Variants in CACNB2 observed in about 807,000 individuals in gnomAD.
CACNB2 encodes the protein calcium voltage-gated channel auxiliary subunit beta 2.
CACNB2 carries 42 observed loss-of-function variants against 73.3 expected under a neutral mutation model. The ratio of observed to expected loss-of-function variants is 0.57; its 90% confidence interval spans 0.45 to 0.74. The LOEUF (loss-of-function observed/expected upper bound fraction) is 0.74, where lower values mean the gene tolerates loss of function less well. Among genes scored for constraint, CACNB2 ranks in the 30% least tolerant of loss-of-function variants. The probability of loss-of-function intolerance (pLI) is 0.00; values close to 1 mark genes in which losing one functional copy is unlikely to be tolerated. For missense variants in CACNB2, 940 were observed against 853.0 expected, an observed-to-expected ratio of 1.10 and a Z score of -1.27; for synonymous variants, 348 against 310.3, an observed-to-expected ratio of 1.12 and a Z score of -1.28.
intron 2 of CACNB2, among the ~76,000 whole-genome samples, chr10:18,207,080 C>T (rs897454238): frequency 3.3e-5 from 5 of 152,160 alleles, no homozygotes; most frequent in Non-Finnish European, 7.3e-5. Context: ...ATGATCTCAG[C>T]TCACTGCAAC....
chr10:18,320,080 G>A (rs951675562), intron 2 of CACNB2, among the ~76,000 whole-genome samples: 3 of 151,204 alleles, frequency 2.0e-5, no homozygotes, highest in Non-Finnish European at 4.4e-5. Context: ...ATCACTCCCC[G>A]ATCCACTTTC....
intron 3 of CACNB2, among the ~76,000 whole-genome samples, chr10:18,495,563 G>GTT (rs200332006): frequency 0.048 from 6,884 of 144,558 alleles, 286 homozygotes; most frequent in African/African-American, 0.12. Flanking sequence ...GTGTGTGTGT[G>GTT]TGTGTGTGTG....
chr10:18,434,239 T>C (rs1315940153), intron 3 of CACNB2, among the ~76,000 whole-genome samples: 2 of 152,192 alleles, frequency 1.3e-5, no homozygotes, highest in Admixed American at 6.5e-5. Flanking sequence ...AGTTCATATA[T>C]AAATCATGAC....
At chr10:18,532,718 CA>C (rs1018966349) in intron 10 of CACNB2, among the ~76,000 whole-genome samples, 6 of 121,742 alleles carry the variant, frequency 4.9e-5, no homozygotes, top group Admixed American at 2.5e-4. Flanking sequence ...AACAAACAAA[CA>C]AAAAAAACAA....
intron 2 of CACNB2, among the ~76,000 whole-genome samples, chr10:18,327,493 C>T (rs754012033): frequency 3.9e-5 from 6 of 152,072 alleles, no homozygotes; most frequent in South Asian, 4.2e-4. Context: ...GGAGTGATCT[C>T]GGCTCACTGC....
intron 2 of CACNB2, among the ~76,000 whole-genome samples, chr10:18,178,120 G>A (rs1039829037): frequency 1.3e-5 from 2 of 152,106 alleles, no homozygotes; most frequent in Non-Finnish European, 2.9e-5. Flanking sequence ...TTTTCTTGGC[G>A]GTTGCTACTG....
chr10:18,171,846 C>T (rs2033267738), intron 2 of CACNB2, among the ~76,000 whole-genome samples: 1 of 152,116 alleles, frequency 6.6e-6, no homozygotes, highest in Non-Finnish European at 1.5e-5. Context: ...GGCAATAACA[C>T]ACTTCTGTTA....
At chr10:18,166,439 T>A (rs757130216) in intron 2 of CACNB2, among the ~76,000 whole-genome samples, 1 of 152,178 alleles carries the variant, frequency 6.6e-6, no homozygotes, top group Non-Finnish European at 1.5e-5. Flanking sequence ...TTGGCCAGGC[T>A]GGCCTCAAAC....
intron 3 of CACNB2, among the ~76,000 whole-genome samples, chr10:18,463,113 G>A (rs2047672129): frequency 6.6e-6 from 1 of 152,134 alleles, no homozygotes; most frequent in South Asian, 2.1e-4. Context: ...AAACTTCACA[G>A]ATAGCAACAG....
At chr10:18,479,304 A>G (rs918795533) in intron 3 of CACNB2, among the ~76,000 whole-genome samples, 2 of 152,130 alleles carry the variant, frequency 1.3e-5, no homozygotes, top group Non-Finnish European at 2.9e-5. Context: ...AGATAAATGC[A>G]AAGAGCCAGA....
At chr10:18,192,736 C>T (rs1193397363) in intron 2 of CACNB2, among the ~76,000 whole-genome samples, 2 of 152,162 alleles carry the variant, frequency 1.3e-5, no homozygotes, top group South Asian at 2.1e-4. Context: ...TGAAATTAGA[C>T]AACATGTAAC....
At chr10:18,218,302 G>T (rs2035592206) in intron 2 of CACNB2, among the ~76,000 whole-genome samples, 1 of 152,132 alleles carries the variant, frequency 6.6e-6, no homozygotes, top group Non-Finnish European at 1.5e-5. Flanking sequence ...ACAACCTACT[G>T]ATTAAGTCAG....
At position 18,527,758 on chromosome 10, in the gene CACNB2, A is replaced by G. The variant is rs1415201819; in HGVS notation, c.1054+61A>G. 4 of 1,006,262 alleles carry G rather than the reference A, an allele frequency of 4.0e-6. No individual in the cohort carries two copies. The African/African-American group carries it at 4.7e-5, about 12-fold the overall frequency. 62.3% of individuals were successfully genotyped at this position (1,006,262 alleles called of 1,614,324 possible). A position where few individuals can be genotyped will look rare whatever the true frequency, so the allele number is the denominator to read the frequency against. On this transcript the variant is annotated intron_variant, in intron 10 of 13. Transcript: ENST00000324631. ...CTCCTCTCCCGATGTTGATGATGAG[A>G]AGACCTAACAAGATGATAATTCCAT...
chr10:18,324,609 T>C (rs994474725), intron 2 of CACNB2, among the ~76,000 whole-genome samples: 1 of 152,238 alleles, frequency 6.6e-6, no homozygotes, highest in African/African-American at 2.4e-5. Flanking sequence ...TCCCAACACT[T>C]TGGGAGGCCG....
chr10:18,473,352 T>G (rs2048286069), intron 3 of CACNB2, among the ~76,000 whole-genome samples: 1 of 152,214 alleles, frequency 6.6e-6, no homozygotes, highest in Admixed American at 6.5e-5. Context: ...TGGGTTGTTA[T>G]TCAAAGAACT....
chr10:18,271,258 A>G (rs1414448349), intron 2 of CACNB2, among the ~76,000 whole-genome samples: 1 of 152,190 alleles, frequency 6.6e-6, no homozygotes, highest in Non-Finnish European at 1.5e-5. Flanking sequence ...CCCGATTTAG[A>G]TGATATTCCT....
intron 2 of CACNB2, among the ~76,000 whole-genome samples, chr10:18,319,251 G>A (rs1251501312): frequency 6.6e-6 from 1 of 152,140 alleles, no homozygotes; most frequent in African/African-American, 2.4e-5. Context: ...TATACACTGT[G>A]GAATACTATG....
At chr10:18,436,217 G>C (rs530490411) in intron 3 of CACNB2, among the ~76,000 whole-genome samples, 45 of 152,306 alleles carry the variant, frequency 3.0e-4, no homozygotes, top group Admixed American at 2.6e-3. Flanking sequence ...TGATGAGTTT[G>C]CCAGTAAGAG....
chr10:18,216,133 T>TAA (rs5783587), intron 2 of CACNB2, among the ~76,000 whole-genome samples: 4 of 144,844 alleles, frequency 2.8e-5, no homozygotes, highest in Admixed American at 6.9e-5. Flanking sequence ...CCGTCTCAAC[T>TAA]AAAAAAAAAA....
Sources: gnomAD v4.1 joint callset for allele counts (sites outside exome capture counted in the v4.1 genomes callset) on GRCh38, gnomAD v4.1.1 for gene constraint, MANE v1.5 for transcripts, NCBI Gene and HGNC (gene_info 2026-07-23, HGNC 2026-07-21) for gene names.